Variants in IHO1 observed in about 807,000 individuals in gnomAD.
IHO1 encodes interactor of HORMAD1 1.
A neutral mutation model predicts 31.0 loss-of-function variants in IHO1; 13 were observed. The observed-to-expected ratio is 0.42, with a 90% CI of 0.27 to 0.67. The LOEUF is 0.67. Among genes scored for constraint, IHO1 ranks in the 30% least tolerant of loss-of-function variants. The pLI, the probability that IHO1 is intolerant of heterozygous loss-of-function variation, is 0.24. For missense variants in IHO1, 599 were observed against 687.5 expected, an observed-to-expected ratio of 0.87 and a Z score of 1.44; for synonymous variants, 221 against 248.4, an observed-to-expected ratio of 0.89 and a Z score of 1.04.
At chr3:49,200,117 C>G (rs1392142550) in intron 1 of IHO1, among the ~76,000 whole-genome samples, 1 of 152,130 alleles carries the variant, frequency 6.6e-6, no homozygotes, top group Non-Finnish European at 1.5e-5. Context: ...ATTTTTTCTG[C>G]TAGAACTTTC....
At chr3:49,230,649 T>C (rs1393412257) in intron 2 of IHO1, among the ~76,000 whole-genome samples, 2 of 152,212 alleles carry the variant, frequency 1.3e-5, no homozygotes, top group African/African-American at 4.8e-5. Context: ...TATGACCACT[T>C]GCAAAATTCG....
intron 1 of IHO1, chr3:49,200,648 A>AT (rs1424343316): frequency 8.8e-6 from 7 of 799,812 alleles, no homozygotes; most frequent in Non-Finnish European, 1.1e-5. Flanking sequence ...CTTCCCTTGT[A>AT]TATAGTTCCA....
intron 6 of IHO1, among the ~76,000 whole-genome samples, chr3:49,246,716 G>A (rs1232265067): frequency 4.6e-5 from 7 of 152,038 alleles, no homozygotes; most frequent in East Asian, 1.9e-4. Flanking sequence ...AAAGTATGGC[G>A]TTTAAATCCC....
At chr3:49,207,017 C>T (rs962027816) in intron 1 of IHO1, among the ~76,000 whole-genome samples, 2 of 138,768 alleles carry the variant, frequency 1.4e-5, no homozygotes, top group Admixed American at 7.8e-5. Flanking sequence ...CATTGCACTC[C>T]AGCCTGGGTG....
chr3:49,191,623 C>T, the IHO1 span: 1 of 1,094,952 alleles, frequency 9.1e-7, no homozygotes, highest in Non-Finnish European at 1.4e-6. Context: ...GTGGGCGGCT[C>T]AGGGTCCTAT....
intron 6 of IHO1, among the ~76,000 whole-genome samples, chr3:49,251,153 C>G (rs955302588): frequency 5.9e-5 from 9 of 151,864 alleles, no homozygotes; most frequent in Non-Finnish European, 1.3e-4. Context: ...CAGAGTCTCT[C>G]TCTGTCACAC....
intron 6 of IHO1, among the ~76,000 whole-genome samples, chr3:49,254,889 C>A (rs1302753576): frequency 2.0e-5 from 3 of 151,948 alleles, no homozygotes; most frequent in African/African-American, 7.2e-5. Context: ...CATAGTGAAA[C>A]CCCATCTCTA....
intron 2 of IHO1, among the ~76,000 whole-genome samples, chr3:49,214,965 G>A (rs2107691219): frequency 6.6e-6 from 1 of 150,778 alleles, no homozygotes; most frequent in Admixed American, 6.6e-5. Flanking sequence ...CAATTCCTCT[G>A]TTGGACTTTT....
At chr3:49,193,415 T>C in the IHO1 span, among the ~76,000 whole-genome samples, 4 of 151,482 alleles carry the variant, frequency 2.6e-5, no homozygotes, top group African/African-American at 9.7e-5. Flanking sequence ...AGATGTTGAG[T>C]TGGCCGGGAG....
rs780368754 is a variant in IHO1 at position 49,209,634 on chromosome 3, T to TA, written c.-15-2120dup. ...CTGCGTGACAGAGTGGGACTTCATC[T>TA]AAAAAAAAAAAAGGCTTGTATTTCT... On this transcript the variant is annotated intron_variant, in intron 1 of 7. Coordinates refer to ENST00000452691, the MANE Select transcript of IHO1 (RefSeq NM_001135197.2). Among the ~76,000 whole-genome samples, 243 of 138,766 alleles carry TA rather than the reference T, an allele frequency of 1.8e-3. 2 individuals carry two copies. The highest frequency in any genetic ancestry group is 5.6e-3 in the East Asian group (27 of 4,808). The allele number at this position is 138,766 out of a possible 152,430, so 91.0% of individuals were successfully genotyped here. A position where few individuals can be genotyped will look rare whatever the true frequency, so the allele number is the denominator to read the frequency against.
At chr3:49,213,872 CAG>C (rs1439707751) in intron 2 of IHO1, 1 of 268,876 alleles carries the variant, frequency 3.7e-6, no homozygotes. Flanking sequence ...TCGGCTAGCC[CAG>C]AGAGGGGCTC....
At chr3:49,239,164 G>T (rs1428972508) in intron 3 of IHO1, among the ~76,000 whole-genome samples, 1 of 150,414 alleles carries the variant, frequency 6.6e-6, no homozygotes, top group African/African-American at 2.5e-5. Context: ...TAGAGACAGG[G>T]TTTCACTGTG....
chr3:49,198,718 C>T (rs1442138242), upstream of IHO1: 1 of 152,310 alleles, frequency 6.6e-6, no homozygotes, highest in Non-Finnish European at 1.5e-5. Flanking sequence ...CGCCATGCTG[C>T]CCAGGCTGGT....
intron 1 of IHO1, among the ~76,000 whole-genome samples, chr3:49,200,052 G>A (rs890513965): frequency 2.6e-5 from 4 of 152,206 alleles, no homozygotes; most frequent in African/African-American, 9.7e-5. Context: ...CCGGCCATTA[G>A]TGTTTGAGGC....
At chr3:49,242,662 A>C (rs1290559953) in intron 4 of IHO1, among the ~76,000 whole-genome samples, 1 of 152,120 alleles carries the variant, frequency 6.6e-6, no homozygotes, top group Non-Finnish European at 1.5e-5. Flanking sequence ...GAATGTGGCC[A>C]GGCACGGTGG....
At chr3:49,193,831 G>A (rs2045980141), upstream of IHO1, among the ~76,000 whole-genome samples, 1 of 149,732 alleles carries the variant, frequency 6.7e-6, no homozygotes, top group Non-Finnish European at 1.5e-5. Context: ...GCATGGTGGC[G>A]CATGCCTGTA....
At chr3:49,201,069 C>T (rs1207705587) in intron 1 of IHO1, among the ~76,000 whole-genome samples, 1 of 151,828 alleles carries the variant, frequency 6.6e-6, no homozygotes, top group Non-Finnish European at 1.5e-5. Context: ...TCTCTGCTCA[C>T]TGCAAGCTCC....
At position 49,211,804 on chromosome 3, in the gene IHO1, C is replaced by T; in HGVS notation, c.24C>T (p.Ile8=). 1 of 1,555,730 alleles carries T rather than the reference C, an allele frequency of 6.4e-7. No homozygotes were observed. The highest frequency in any genetic ancestry group is 2.2e-5 in the East Asian group (1 of 44,492). The change falls in exon 2 of 8, where the codon ATC becomes ATT. Residue 8 remains isoleucine, a synonymous_variant. Transcript: ENST00000452691. The stretch of plus-strand genomic sequence containing the variant: ...AAATGAATTTTAATGTCTGGAATAT[C>T]AAAGAGATGCTCAGTATTCCTTCAG... The part of the protein sequence containing the change: MNFNVWN[I]KEMLSIPSGS...
At chr3:49,216,993 AT>A in intron 2 of IHO1, among the ~76,000 whole-genome samples, 1 of 152,276 alleles carries the variant, frequency 6.6e-6, no homozygotes. Context: ...GAAACAACAG[AT>A]GCTGGAGAGG....
Sources: gnomAD v4.1 joint callset for allele counts (sites outside exome capture counted in the v4.1 genomes callset) on GRCh38, gnomAD v4.1.1 for gene constraint, MANE v1.5 for transcripts, NCBI Gene and HGNC (gene_info 2026-07-23, HGNC 2026-07-21) for gene names.